Variants in GADL1 observed in about 807,000 individuals in gnomAD.
The protein encoded by GADL1 is acidic amino acid decarboxylase GADL1.
Under a neutral mutation model 69.5 loss-of-function variants are expected in GADL1, and 71 were observed. The observed-to-expected ratio is 1.02, with a 90% CI of 0.84 to 1.25. The LOEUF (loss-of-function observed/expected upper bound fraction) is 1.25, where lower values mean the gene tolerates loss of function less well. Among genes scored for constraint, GADL1 ranks in the 50% most tolerant of loss-of-function variants. The pLI is 0.00. For missense variants in GADL1, 737 were observed against 631.8 expected (o/e 1.17, Z -1.79); for synonymous variants, 254 against 214.4 (o/e 1.18, Z -1.62).
intron 1 of GADL1, among the ~76,000 whole-genome samples, chr3:30,886,636 G>A (rs1698715268): frequency 6.6e-6 from 1 of 152,104 alleles, no homozygotes; most frequent in Non-Finnish European, 1.5e-5. Flanking sequence ...CTCAGCATGG[G>A]GTTAGCTTTA....
chr3:30,769,077 CAA>C (rs1437260095), intron 14 of GADL1, among the ~76,000 whole-genome samples: 5 of 152,100 alleles, frequency 3.3e-5, no homozygotes, highest in African/African-American at 9.7e-5. Flanking sequence ...TCCATGAACT[CAA>C]GTGTGCAAGA....
intron 14 of GADL1, among the ~76,000 whole-genome samples, chr3:30,752,558 T>C (rs774925367): frequency 5.9e-5 from 9 of 151,850 alleles, no homozygotes; most frequent in Non-Finnish European, 7.3e-5. Context: ...TAACCACTCA[T>C]AAACCCAGTC....
intron 11 of GADL1, among the ~76,000 whole-genome samples, chr3:30,816,149 G>A (rs1451113490): frequency 2.6e-5 from 4 of 152,050 alleles, no homozygotes; most frequent in Admixed American, 2.6e-4. Context: ...GAGGCTAATG[G>A]CTCCACCATT....
intron 14 of GADL1, among the ~76,000 whole-genome samples, chr3:30,764,170 A>G (rs1263458370): frequency 4.6e-5 from 2 of 43,746 alleles, no homozygotes; most frequent in African/African-American, 2.4e-4. Context: ...TTATACTTAA[A>G]GTTTTTCAAA....
chr3:30,785,882 T>TA (rs1242252627), intron 13 of GADL1, among the ~76,000 whole-genome samples: 1 of 152,360 alleles, frequency 6.6e-6, no homozygotes, highest in African/African-American at 2.4e-5. Flanking sequence ...TGTAACCACC[T>TA]AATTTCTTAC....
intron 14 of GADL1, among the ~76,000 whole-genome samples, chr3:30,749,818 T>C (rs1695774338): frequency 6.6e-6 from 1 of 152,164 alleles, no homozygotes; most frequent in African/African-American, 2.4e-5. Context: ...ATTAGACTTA[T>C]ACTCAGGGAC....
chr3:30,768,196 TAC>T (rs1191494247), intron 14 of GADL1, among the ~76,000 whole-genome samples: 2 of 152,158 alleles, frequency 1.3e-5, no homozygotes, highest in Non-Finnish European at 2.9e-5. Flanking sequence ...AGGCAGCAAT[TAC>T]ATTTTGAGCA....
intron 14 of GADL1, among the ~76,000 whole-genome samples, chr3:30,769,313 A>G (rs1010250959): frequency 6.6e-6 from 1 of 151,958 alleles, no homozygotes; most frequent in Non-Finnish European, 1.5e-5. Flanking sequence ...GTCTTGGTAC[A>G]TGGTGACAGT....
intron 5 of GADL1, among the ~76,000 whole-genome samples, chr3:30,850,630 T>A (rs755995123): frequency 3.9e-5 from 6 of 152,208 alleles, no homozygotes; most frequent in Non-Finnish European, 5.9e-5. Context: ...TGTAGGCACC[T>A]CATTCATTAA....
rs1697153095 is a variant in GADL1, at chr3:30,801,048, A to C, written c.1091T>G (p.Leu364Arg). 1 of 1,613,996 alleles carries C rather than the reference A, an allele frequency of 6.2e-7. No homozygotes were observed. The highest frequency in any genetic ancestry group is 8.5e-7 in the Non-Finnish European group (1 of 1,179,920). The change falls in exon 12 of 15, where the codon CTC (leucine) becomes CGC (arginine). Residue 364 changes from leucine (L) to arginine (R), a missense_variant. Coordinates refer to ENST00000282538, the MANE Select transcript of GADL1 (RefSeq NM_207359.3). ...KKCYSAKASY[L>R]FQQDKFYDVS... ...ATCATAGAATTTATCCTGCTGGAAG[A>C]GGTAAGATGCCTTGGCAGAGTAGCA...
chr3:30,825,743 C>A (rs1910331), intron 11 of GADL1, among the ~76,000 whole-genome samples: 1 of 151,516 alleles, frequency 6.6e-6, no homozygotes, highest in Admixed American at 6.6e-5. Context: ...ACACAGGGAG[C>A]GGGGAATATC....
intron 11 of GADL1, among the ~76,000 whole-genome samples, chr3:30,821,558 T>G (rs747939705): frequency 3.3e-5 from 5 of 151,988 alleles, no homozygotes; most frequent in Admixed American, 1.3e-4. Flanking sequence ...AAAAGAATCT[T>G]TGTGTGAAAT....
At chr3:30,865,067 G>A (rs1028817305) in intron 1 of GADL1, among the ~76,000 whole-genome samples, 1 of 151,856 alleles carries the variant, frequency 6.6e-6, no homozygotes, top group Non-Finnish European at 1.5e-5. Flanking sequence ...ATTATCTCAT[G>A]GACCTCAAAC....
At chr3:30,806,020 G>T (rs912514092) in intron 11 of GADL1, among the ~76,000 whole-genome samples, 9 of 151,902 alleles carry the variant, frequency 5.9e-5, no homozygotes, top group Admixed American at 3.9e-4. Flanking sequence ...CTGCTGTGTG[G>T]CCCGGTTCCT....
intron 4 of GADL1, among the ~76,000 whole-genome samples, chr3:30,851,511 T>G (rs1219801780): frequency 1.3e-5 from 2 of 152,148 alleles, no homozygotes; most frequent in African/African-American, 4.8e-5. Context: ...CCAAATCCCT[T>G]GTCAATGAAG....
chr3:30,872,867 G>A lies in GADL1; in HGVS notation c.38-11102C>T, dbSNP rs556743523. ...GATTCTGTAGCCATTTCCAACTGAT[G>A]AAAATTAAAACCAACTAGACACACC... On this transcript the variant is annotated intron_variant, in intron 1 of 14. Transcript: ENST00000282538. 1.6e-4 allele frequency among the ~76,000 whole-genome samples: 25 copies of A among 152,002 alleles called. No individual in the cohort carries two copies. The East Asian group carries it at 4.9e-3, about 30-fold the overall frequency.
At chr3:30,744,503 G>A (rs1263398352) in intron 14 of GADL1, among the ~76,000 whole-genome samples, 2 of 152,090 alleles carry the variant, frequency 1.3e-5, no homozygotes, top group Non-Finnish European at 2.9e-5. Flanking sequence ...TTAAGACCAG[G>A]AGTTCAAGAC....
At chr3:30,742,344 T>C (rs1160207667) in intron 14 of GADL1, among the ~76,000 whole-genome samples, 1 of 151,972 alleles carries the variant, frequency 6.6e-6, no homozygotes, top group Non-Finnish European at 1.5e-5. Flanking sequence ...TTTATTTAAG[T>C]TAACTCTTAG....
chr3:30,827,102 T>C (rs1448708832), intron 11 of GADL1, among the ~76,000 whole-genome samples: 1 of 151,892 alleles, frequency 6.6e-6, no homozygotes, highest in Non-Finnish European at 1.5e-5. Flanking sequence ...CTTCACATTG[T>C]GGGTAAAAAA....
Sources: allele counts gnomAD v4.1 joint callset (sites outside exome capture counted in the v4.1 genomes callset), GRCh38; gene constraint gnomAD v4.1.1; transcripts MANE v1.5; gene names NCBI Gene and HGNC (gene_info 2026-07-23, HGNC 2026-07-21).